The following PDIA5 variants were observed in gnomAD, a reference collection of about 807,000 sequenced individuals.
PDIA5 encodes protein disulfide-isomerase A5.
Under a neutral mutation model 77.6 loss-of-function variants are expected in PDIA5, and 58 were observed. That is an observed-to-expected ratio of 0.75 (90% CI 0.61 to 0.93). The LOEUF (loss-of-function observed/expected upper bound fraction) is 0.93, where lower values mean the gene tolerates loss of function less well. PDIA5 is among the 40% of genes least tolerant of loss of function. The pLI, the probability that PDIA5 is intolerant of heterozygous loss-of-function variation, is 0.00. For missense variants in PDIA5, 630 were observed against 647.7 expected, an observed-to-expected ratio of 0.97 and a Z score of 0.30; for synonymous variants, 250 against 252.1, an observed-to-expected ratio of 0.99 and a Z score of 0.08.
chr3:123,108,996 A>G (rs1034387253), intron 6 of PDIA5, among the ~76,000 whole-genome samples: 1 of 152,220 alleles, frequency 6.6e-6, no homozygotes, highest in African/African-American at 2.4e-5. Context: ...TGCTCCTGTA[A>G]TGATGAATGT....
intron 15 of PDIA5, 70 bp from the exon 16 acceptor site, chr3:123,161,251 A>G (rs1288838722): frequency 6.6e-6 from 10 of 1,512,578 alleles, no homozygotes; most frequent in East Asian, 2.3e-5. Flanking sequence ...TAGATGTGCA[A>G]TCTGTGTTGT....
intron 2 of PDIA5, among the ~76,000 whole-genome samples, chr3:123,090,245 A>G (rs1008894654): frequency 3.3e-5 from 5 of 152,218 alleles, no homozygotes; most frequent in African/African-American, 1.2e-4. Flanking sequence ...GGAGCCCAGC[A>G]TGTGACTAGC....
intron 10 of PDIA5, among the ~76,000 whole-genome samples, chr3:123,124,552 G>A (rs1332279206): frequency 1.3e-5 from 2 of 152,222 alleles, no homozygotes; most frequent in Non-Finnish European, 2.9e-5. Flanking sequence ...GATTTGGTGT[G>A]ACTTTGGCCT....
At chr3:123,070,830 T>G (rs1933705747) in intron 1 of PDIA5, among the ~76,000 whole-genome samples, 1 of 152,258 alleles carries the variant, frequency 6.6e-6, no homozygotes, top group Middle Eastern at 3.4e-3. Context: ...GAGTGAACTC[T>G]AGGTCTCCTA....
Position 123,089,301 on chromosome 3 carries a change from G to A in PDIA5, c.169+7G>A. On this transcript the variant is annotated splice_region_variant and intron_variant, in intron 2 of 16. Transcript: ENST00000316218. ...GTGCTTTACTCCAAATCTGGTGAGT[G>A]TCCCTTCCTGGCCTTGAGGTCAACC... The A allele has an allele frequency of 6.2e-7, 1 of 1,613,820 alleles. No homozygotes were observed. The highest frequency in any genetic ancestry group is 8.5e-7 in the Non-Finnish European group (1 of 1,179,782).
intron 11 of PDIA5, among the ~76,000 whole-genome samples, chr3:123,137,460 T>G (rs1935528335): frequency 1.3e-5 from 2 of 152,226 alleles, no homozygotes; most frequent in African/African-American, 4.8e-5. Flanking sequence ...AGTCTATTTC[T>G]TGCTCTAATT....
intron 1 of PDIA5, among the ~76,000 whole-genome samples, chr3:123,076,485 T>C (rs545207238): frequency 6.6e-6 from 1 of 152,348 alleles, no homozygotes; most frequent in African/African-American, 2.4e-5. Flanking sequence ...TTCTAGTCAA[T>C]GTAATTTTTT....
chr3:123,080,945 T>G (rs1933986041), intron 1 of PDIA5, among the ~76,000 whole-genome samples: 1 of 152,014 alleles, frequency 6.6e-6, no homozygotes, highest in South Asian at 2.1e-4. Context: ...GGTGGCTACT[T>G]GAGTTCCAGC....
chr3:123,117,858 A>C (rs1255876434), intron 8 of PDIA5, among the ~76,000 whole-genome samples: 6 of 152,180 alleles, frequency 3.9e-5, no homozygotes. Context: ...ACTTACCCCG[A>C]GTAGCAGAAG....
intron 5 of PDIA5, among the ~76,000 whole-genome samples, chr3:123,105,943 G>A (rs1234397723): frequency 6.6e-6 from 1 of 152,192 alleles, no homozygotes; most frequent in African/African-American, 2.4e-5. Flanking sequence ...AGAGGATACA[G>A]AGGAGGGTGG....
At chr3:123,115,860 G>A (rs368789095) in intron 7 of PDIA5, among the ~76,000 whole-genome samples, 2 of 152,376 alleles carry the variant, frequency 1.3e-5, no homozygotes, top group East Asian at 1.9e-4. Context: ...GTGGCCTTTT[G>A]CTGTGCGTGC....
At chr3:123,114,420 C>T (rs1024143236) in intron 7 of PDIA5, among the ~76,000 whole-genome samples, 28 of 152,166 alleles carry the variant, frequency 1.8e-4, no homozygotes, top group African/African-American at 6.8e-4. Context: ...CTGAATGTTC[C>T]CCGGCTCTAT....
At chr3:123,089,143 C>A in intron 1 of PDIA5, 25 bp from the exon 2 acceptor site, 1 of 1,605,598 alleles carries the variant, frequency 6.2e-7, no homozygotes, top group Admixed American at 1.7e-5. Flanking sequence ...CTGGAACTCA[C>A]AGTCGTTGGC....
chr3:123,091,756 T>TGGGC, intron 2 of PDIA5, among the ~76,000 whole-genome samples: 1 of 152,338 alleles, frequency 6.6e-6, no homozygotes, highest in East Asian at 1.9e-4. Context: ...AAGTGGGCTG[T>TGGGC]TAAATGTGGC....
chr3:123,079,823 TCA>T (rs1933949260), intron 1 of PDIA5, among the ~76,000 whole-genome samples: 1 of 152,232 alleles, frequency 6.6e-6, no homozygotes, highest in Non-Finnish European at 1.5e-5. Flanking sequence ...TTTAAGAGAT[TCA>T]CTAATGGTGT....
intron 11 of PDIA5, among the ~76,000 whole-genome samples, chr3:123,142,592 AG>A (rs1180638828): frequency 6.6e-6 from 1 of 152,240 alleles, no homozygotes; most frequent in Admixed American, 6.5e-5. Flanking sequence ...TTCTGGAAGA[AG>A]GGTTTACCAC....
chr3:123,081,403 C>T (rs1934000705), intron 1 of PDIA5, among the ~76,000 whole-genome samples: 1 of 152,244 alleles, frequency 6.6e-6, no homozygotes, highest in Non-Finnish European at 1.5e-5. Flanking sequence ...TCTAAATTCT[C>T]AGCCCGCTCA....
At chr3:123,089,443 G>A (rs1387341663) in intron 2 of PDIA5, 149 bp downstream of exon 2, 3 of 721,064 alleles carry the variant, frequency 4.2e-6, no homozygotes, top group Non-Finnish European at 4.7e-6. Context: ...GAAGACAGAG[G>A]CAGAGGCACA....
intron 1 of PDIA5, among the ~76,000 whole-genome samples, chr3:123,074,994 A>T (rs182842638): frequency 3.9e-5 from 6 of 152,272 alleles, no homozygotes; most frequent in Admixed American, 3.3e-4. Context: ...ATACTTTGTA[A>T]AGTTAAGTAG....
Sources: allele counts gnomAD v4.1 joint callset (sites outside exome capture counted in the v4.1 genomes callset), GRCh38; gene constraint gnomAD v4.1.1; transcripts MANE v1.5; gene names NCBI Gene and HGNC (gene_info 2026-07-23, HGNC 2026-07-21).